Variants in MED13L observed in about 807,000 individuals in gnomAD.
The protein encoded by MED13L is mediator complex subunit 13L.
Under a neutral mutation model 220.9 loss-of-function variants are expected in MED13L, and 7 were observed. The ratio of observed to expected loss-of-function variants is 0.03; its 90% confidence interval spans 0.02 to 0.06. The LOEUF (loss-of-function observed/expected upper bound fraction) is 0.06, where lower values mean the gene tolerates loss of function less well. MED13L is among the 10% of genes least tolerant of loss of function. MED13L has a pLI of 1.00. For missense variants in MED13L, 1,965 were observed against 2,760.5 expected (o/e 0.71, Z 6.46); for synonymous variants, 1,011 against 1,015.2 (o/e 1.00, Z 0.08).
intron 2 of MED13L, among the ~76,000 whole-genome samples, chr12:116,224,118 T>C (rs1280458252): frequency 6.6e-6 from 1 of 152,188 alleles, no homozygotes; most frequent in Non-Finnish European, 1.5e-5. Flanking sequence ...CCATACAGTT[T>C]ATAATCTGCT....
At chr12:116,074,513 GA>G (rs765485314) in intron 4 of MED13L, among the ~76,000 whole-genome samples, 1 of 152,028 alleles carries the variant, frequency 6.6e-6, no homozygotes, top group African/African-American at 2.4e-5. Flanking sequence ...TAAAGGAGGG[GA>G]AAAAATGACA....
intron 4 of MED13L, among the ~76,000 whole-genome samples, chr12:116,066,870 A>T (rs992996935): frequency 3.9e-5 from 6 of 152,136 alleles, no homozygotes; most frequent in Non-Finnish European, 8.8e-5. Flanking sequence ...TTCATCTTCT[A>T]CAGTTGGACA....
chr12:116,031,746 AAAAGAAAAGAAAAGAAGGAAGG>A (rs1566020812), intron 4 of MED13L, among the ~76,000 whole-genome samples: 31 of 49,860 alleles, frequency 6.2e-4, no homozygotes, highest in African/African-American at 3.0e-3. Context: ...AAAAGAAAAG[AAAAGAAAAGAAAAGAAGGAAGG>A]AAGGAAGGAA....
At chr12:115,997,914 G>A (rs549344614) in intron 14 of MED13L, among the ~76,000 whole-genome samples, 45 of 152,320 alleles carry the variant, frequency 3.0e-4, no homozygotes, top group African/African-American at 1.0e-3. Context: ...CTGCTTTCAA[G>A]TATGTATAAA....
At chr12:116,197,134 A>C (rs1881683455) in intron 2 of MED13L, among the ~76,000 whole-genome samples, 1 of 152,182 alleles carries the variant, frequency 6.6e-6, no homozygotes, top group Admixed American at 6.5e-5. Context: ...CTCCACCCAC[A>C]TAATCCTTAA....
At chr12:115,985,206 A>G (rs2137282048) in intron 19 of MED13L, among the ~76,000 whole-genome samples, 1 of 152,338 alleles carries the variant, frequency 6.6e-6, no homozygotes, top group Non-Finnish European at 1.5e-5. Context: ...CTTATGTTGA[A>G]GGTTCCATTC....
In MED13L at chr12:115,970,587, T is replaced by C. The variant is rs759519110; in HGVS notation, c.6067+7A>G. On this transcript the variant is annotated splice_region_variant and intron_variant, in intron 27 of 30. Coordinates refer to ENST00000281928, the MANE Select transcript of MED13L (RefSeq NM_015335.5). ...GTGAGCACTATCCATACAGGTCTTC[T>C]ACTCACCATTGTTGGGGCTAAACCC... 2 of 1,613,372 alleles carry C rather than the reference T, an allele frequency of 1.2e-6. No homozygotes were observed. Among genetic ancestry groups the C allele is most frequent in the African/African-American group, 1.3e-5 (1 of 75,030 alleles).
intron 4 of MED13L, among the ~76,000 whole-genome samples, chr12:116,091,945 ACT>A (rs1190475170): frequency 6.6e-6 from 1 of 152,024 alleles, no homozygotes; most frequent in Non-Finnish European, 1.5e-5. Flanking sequence ...GATCCCCAAG[ACT>A]CTAACTCACT....
intron 2 of MED13L, among the ~76,000 whole-genome samples, chr12:116,168,048 T>C (rs1010437522): frequency 6.6e-6 from 1 of 152,190 alleles, no homozygotes; most frequent in South Asian, 2.1e-4. Context: ...TCCTAAACAC[T>C]TTATTTTCAT....
At chr12:116,150,880 T>C (rs1877984885) in intron 2 of MED13L, among the ~76,000 whole-genome samples, 1 of 152,152 alleles carries the variant, frequency 6.6e-6, no homozygotes. Context: ...AGTTTCTTCT[T>C]TTGTAAATGC....
chr12:116,198,615 C>T (rs1881802079), intron 2 of MED13L, among the ~76,000 whole-genome samples: 1 of 152,194 alleles, frequency 6.6e-6, no homozygotes, highest in African/African-American at 2.4e-5. Context: ...GCACTGCATC[C>T]TGACTATCAG....
chr12:116,249,870 C>T (rs1345962956), intron 1 of MED13L, among the ~76,000 whole-genome samples: 1 of 149,790 alleles, frequency 6.7e-6, no homozygotes, highest in Admixed American at 6.7e-5. Context: ...AGCACAGTAT[C>T]AGGCAATCTA....
At chr12:116,235,538 T>A (rs1363628370) in intron 2 of MED13L, among the ~76,000 whole-genome samples, 1 of 152,156 alleles carries the variant, frequency 6.6e-6, no homozygotes, top group African/African-American at 2.4e-5. Flanking sequence ...GTTTTCCTAA[T>A]TTTCTAACTT....
chr12:116,212,807 C>A (rs1882776793), intron 2 of MED13L, among the ~76,000 whole-genome samples: 1 of 152,072 alleles, frequency 6.6e-6, no homozygotes, highest in South Asian at 2.1e-4. Context: ...TATACATAGT[C>A]CTTACTGACA....
chr12:116,002,706 T>C (rs1208682550), intron 14 of MED13L, among the ~76,000 whole-genome samples: 2 of 152,210 alleles, frequency 1.3e-5, no homozygotes, highest in African/African-American at 4.8e-5. Context: ...TTTATTCTAC[T>C]AGGAAAGGAC....
chr12:116,193,526 G>A (rs1319882509), intron 2 of MED13L, among the ~76,000 whole-genome samples: 1 of 151,088 alleles, frequency 6.6e-6, no homozygotes, highest in East Asian at 1.9e-4. Flanking sequence ...TTATTTTTCG[G>A]TATTTCCAAA....
intron 2 of MED13L, among the ~76,000 whole-genome samples, chr12:116,158,993 A>G (rs1287766109): frequency 6.6e-6 from 1 of 152,186 alleles, no homozygotes; most frequent in African/African-American, 2.4e-5. Context: ...AGTTCTTAAC[A>G]TCTTATTCTC....
rs893018270 is a variant in MED13L, at chr12:116,105,762, T to C, written c.395+5666A>G. ...ATATTCTTTTCCCAAAGGTATACTA[T>C]CCCAATGTGTATACTATATAAATAA... On this transcript the variant is annotated intron_variant, in intron 3 of 30. Transcript: ENST00000281928. Among the ~76,000 whole-genome samples the C allele has an allele frequency of 2.6e-5, 4 of 152,212 alleles. No homozygotes were observed. The South Asian group carries it at 8.3e-4, about 32-fold the overall frequency.
At position 115,986,565 on chromosome 12, in the gene MED13L, A is replaced by C. The variant is rs1167638783; in HGVS notation, c.4115-76T>G. On this transcript the variant is annotated intron_variant, in intron 18 of 30. Transcript: ENST00000281928. Reference sequence around the variant, plus strand: ...CTTACAATTTTGAAATTCCTGGTGCACTGGTCTTAATTCTGGCATCTGAAA... The same window carrying C: ...CTTACAATTTTGAAATTCCTGGTGCCCTGGTCTTAATTCTGGCATCTGAAA... The C allele has an allele frequency of 4.5e-6, 6 of 1,340,826 alleles. No homozygotes were observed. The East Asian group carries it at 1.4e-4, about 32-fold the overall frequency. 83.1% of individuals were successfully genotyped at this position (1,340,826 alleles called of 1,614,324 possible).
Sources: gnomAD v4.1 joint callset for allele counts (sites outside exome capture counted in the v4.1 genomes callset) on GRCh38, gnomAD v4.1.1 for gene constraint, MANE v1.5 for transcripts, NCBI Gene and HGNC (gene_info 2026-07-23, HGNC 2026-07-21) for gene names.